VPS13B: variants seen among roughly 807,000 people sequenced by gnomAD.
The protein encoded by VPS13B is intermembrane lipid transfer protein VPS13B.
In VPS13B, 285 loss-of-function variants were observed where a neutral mutation model predicts 426.4. That is an observed-to-expected ratio of 0.67 (90% CI 0.61 to 0.74). VPS13B has a LOEUF of 0.74. Among genes scored for constraint, VPS13B ranks in the 30% least tolerant of loss-of-function variants. VPS13B has a pLI of 0.00. For missense variants in VPS13B, 4,537 were observed against 4,782.6 expected (o/e 0.95, Z 1.51); for synonymous variants, 1,676 against 1,676.4 (o/e 1.00, Z 0.01).
intron 25 of VPS13B, among the ~76,000 whole-genome samples, chr8:99,498,576 A>T (rs1000951081): frequency 3.9e-5 from 6 of 152,256 alleles, no homozygotes; most frequent in Admixed American, 2.6e-4. Context: ...GAAAATAAAA[A>T]AAAGAAAACA....
rs1464802882 is a variant in VPS13B at position 99,854,004 on chromosome 8, G to A, written c.10615G>A (p.Gly3539Ser). 3.1e-6 allele frequency: 5 copies of A among 1,614,188 alleles called. No homozygotes were observed. The highest frequency in any genetic ancestry group is 2.5e-6 in the Non-Finnish European group (3 of 1,180,034). The change falls in exon 56 of 62, where the codon GGT becomes AGT. Residue 3539 changes from glycine (G) to serine (S), a missense_variant. Gly to Ser is a moderately conservative substitution (Grantham distance 56). Transcript: ENST00000357162. ...TGGTCACTCCACACACCTCTCCGGG[G>A]GTAAACAGGTGTTGCCCATGCAGGT... ...LAGHSTHLSG[G>S]KQVLPMQVTQ... is the part of the protein sequence containing the mutation.
chr8:99,480,495 T>G (rs994351125), intron 24 of VPS13B, among the ~76,000 whole-genome samples: 6 of 152,160 alleles, frequency 3.9e-5, no homozygotes, highest in Admixed American at 3.3e-4. Context: ...ATAATCTTTT[T>G]AAAAACTGGT....
chr8:99,427,708 T>C (rs1816805736), intron 21 of VPS13B, among the ~76,000 whole-genome samples: 2 of 151,880 alleles, frequency 1.3e-5, no homozygotes, highest in Non-Finnish European at 2.9e-5. Context: ...ATGGCCATAC[T>C]GCCCAAGGTA....
intron 2 of VPS13B, among the ~76,000 whole-genome samples, chr8:99,024,577 T>C (rs1418299187): frequency 6.6e-6 from 1 of 152,248 alleles, no homozygotes; most frequent in Non-Finnish European, 1.5e-5. Context: ...CTAATGTGTG[T>C]TCTTCATGCC....
chr8:99,498,903 C>T (rs552228670), intron 25 of VPS13B, among the ~76,000 whole-genome samples: 4 of 152,182 alleles, frequency 2.6e-5, no homozygotes, highest in South Asian at 4.1e-4. Context: ...AAACAGTGGT[C>T]GAAGTGTTTA....
chr8:99,100,215 G>T (rs1846655726), intron 4 of VPS13B, among the ~76,000 whole-genome samples: 1 of 152,062 alleles, frequency 6.6e-6, no homozygotes, highest in Non-Finnish European at 1.5e-5. Context: ...TTCGATATTT[G>T]ATTCTTTTAC....
intron 39 of VPS13B, among the ~76,000 whole-genome samples, chr8:99,734,786 G>C (rs1563888576): frequency 6.6e-6 from 1 of 152,132 alleles, no homozygotes; most frequent in Admixed American, 6.5e-5. Context: ...TGGGAAGGAG[G>C]AAATGAATGT....
intron 19 of VPS13B, among the ~76,000 whole-genome samples, chr8:99,303,230 A>G (rs1820459922): frequency 8.0e-6 from 1 of 125,378 alleles, no homozygotes; most frequent in Non-Finnish European, 1.6e-5. Flanking sequence ...CAGTGAGCCA[A>G]GATTGCGCCA....
Position 99,817,742 on chromosome 8 carries a change from A to G in VPS13B, c.8300A>G (p.Glu2767Gly), listed in dbSNP as rs778200857. 2 of 1,614,002 alleles carry G rather than the reference A, an allele frequency of 1.2e-6. No individual in the cohort carries two copies. Among genetic ancestry groups the G allele is most frequent in the Non-Finnish European group, 1.7e-6 (2 of 1,180,012 alleles). Residue 2767 changes from glutamate (E) to glycine (G), a missense_variant, in exon 45 of 62, where the codon GAA becomes GGA. Transcript: ENST00000357162. ...CTGTGTGTGAAGGCCAAAGGAGATG[A>G]AGACTGGTCAAGAGATGTGTGCCTG... is the stretch of plus-strand genomic sequence containing the variant. ...TELCVKAKGD[E>G]DWSRDVCLES...
At chr8:99,657,181 G>A (rs938549379) in intron 34 of VPS13B, among the ~76,000 whole-genome samples, 13 of 152,042 alleles carry the variant, frequency 8.6e-5, no homozygotes, top group African/African-American at 3.1e-4. Context: ...TCCTAAGCTT[G>A]GTGCCAGATG....
chr8:99,439,609 T>G (rs1300347770), intron 22 of VPS13B, among the ~76,000 whole-genome samples: 2 of 152,122 alleles, frequency 1.3e-5, no homozygotes, highest in African/African-American at 4.8e-5. Context: ...CAAAATATAA[T>G]TATCACTACA....
intron 33 of VPS13B, among the ~76,000 whole-genome samples, chr8:99,625,995 G>A (rs571765988): frequency 1.3e-5 from 2 of 152,174 alleles, no homozygotes; most frequent in Non-Finnish European, 2.9e-5. Flanking sequence ...AGAATTAGAG[G>A]AAACCACATA....
At chr8:99,860,346 C>T (rs1164418244) in intron 57 of VPS13B, among the ~76,000 whole-genome samples, 2 of 152,140 alleles carry the variant, frequency 1.3e-5, no homozygotes. Context: ...AAAGGACACT[C>T]CCCCAGGCCT....
At chr8:99,870,755 A>G in intron 59 of VPS13B, 30 bp from the exon 60 acceptor site, 1 of 1,602,060 alleles carries the variant, frequency 6.2e-7, no homozygotes, top group South Asian at 1.1e-5. Context: ...GAAAACAAGT[A>G]GTAAAACTCC....
At chr8:99,084,049 T>C (rs1232811430) in intron 3 of VPS13B, among the ~76,000 whole-genome samples, 2 of 152,212 alleles carry the variant, frequency 1.3e-5, no homozygotes, top group African/African-American at 4.8e-5. Flanking sequence ...CTCCTCCTTG[T>C]ACCTCTGGTA....
intron 19 of VPS13B, among the ~76,000 whole-genome samples, chr8:99,379,506 G>C (rs1420731561): frequency 6.6e-6 from 1 of 151,990 alleles, no homozygotes; most frequent in Admixed American, 6.6e-5. Context: ...TCATTTTGGA[G>C]CATTATTTAT....
chr8:99,278,477 C>T (rs1819007017), intron 19 of VPS13B, among the ~76,000 whole-genome samples: 1 of 152,112 alleles, frequency 6.6e-6, no homozygotes, highest in Non-Finnish European at 1.5e-5. Context: ...GCTTACAAAT[C>T]AAAACTGTTT....
At chr8:99,509,188 C>T (rs1015343296) in intron 28 of VPS13B, among the ~76,000 whole-genome samples, 1 of 152,136 alleles carries the variant, frequency 6.6e-6, no homozygotes, top group Non-Finnish European at 1.5e-5. Flanking sequence ...AATCCTTCTC[C>T]ATCTGTTATT....
chr8:99,195,859 T>C (rs1203041932), intron 17 of VPS13B, among the ~76,000 whole-genome samples: 1 of 152,214 alleles, frequency 6.6e-6, no homozygotes, highest in Admixed American at 6.5e-5. Flanking sequence ...TCATCAAAGA[T>C]CAATTGTCCA....
Sources: allele counts gnomAD v4.1 joint callset (sites outside exome capture counted in the v4.1 genomes callset), GRCh38; gene constraint gnomAD v4.1.1; transcripts MANE v1.5; gene names NCBI Gene and HGNC (gene_info 2026-07-23, HGNC 2026-07-21).